Variants in PDZRN3 observed in about 807,000 individuals in gnomAD.
PDZRN3 encodes the protein E3 ubiquitin-protein ligase PDZRN3.
In PDZRN3, 38 loss-of-function variants were observed where a neutral mutation model predicts 85.7. The ratio of observed to expected loss-of-function variants is 0.44; its 90% confidence interval spans 0.34 to 0.58. The LOEUF (loss-of-function observed/expected upper bound fraction) is 0.58. Ranked by LOEUF, PDZRN3 falls within the 20% of genes least tolerant of loss-of-function variation. PDZRN3 has a pLI of 0.01. For synonymous variants in PDZRN3, 759 were observed against 638.0 expected, an observed-to-expected ratio of 1.19 and a Z score of -2.86; for missense variants, 1,629 against 1,506.4, an observed-to-expected ratio of 1.08 and a Z score of -1.35.
At chr3:73,580,575 A>G (rs1237458444) in intron 3 of PDZRN3, among the ~76,000 whole-genome samples, 1 of 152,198 alleles carries the variant, frequency 6.6e-6, no homozygotes, top group Admixed American at 6.5e-5. Flanking sequence ...CACTATAGGC[A>G]CTATTTCCTA....
intron 3 of PDZRN3, among the ~76,000 whole-genome samples, chr3:73,411,164 C>T (rs1701959206): frequency 6.6e-6 from 1 of 152,164 alleles, no homozygotes; most frequent in African/African-American, 2.4e-5. Context: ...GTATCCTCTG[C>T]TTTGTCGAGA....
At chr3:73,422,932 A>C (rs1261288335) in intron 3 of PDZRN3, among the ~76,000 whole-genome samples, 1 of 152,222 alleles carries the variant, frequency 6.6e-6, no homozygotes, top group Admixed American at 6.5e-5. Context: ...ATACCAAGCA[A>C]AGGAAACAGA....
At chr3:73,540,482 C>T (rs1475558663) in intron 3 of PDZRN3, among the ~76,000 whole-genome samples, 9 of 152,128 alleles carry the variant, frequency 5.9e-5, no homozygotes, top group Admixed American at 5.9e-4. Flanking sequence ...TTATGGTTCC[C>T]ATCATCCCCA....
chr3:73,552,104 G>T (rs1324147818), intron 3 of PDZRN3, among the ~76,000 whole-genome samples: 2 of 152,070 alleles, frequency 1.3e-5, no homozygotes, highest in East Asian at 3.9e-4. Context: ...AATCACCTGG[G>T]GCACATTCCT....
chr3:73,423,152 C>T (rs932388026), intron 3 of PDZRN3, among the ~76,000 whole-genome samples: 4 of 152,074 alleles, frequency 2.6e-5, no homozygotes, highest in African/African-American at 4.8e-5. Flanking sequence ...TTTCATCTCC[C>T]GCTGCTAACT....
At chr3:73,565,666 G>A (rs920690365) in intron 3 of PDZRN3, among the ~76,000 whole-genome samples, 9 of 151,956 alleles carry the variant, frequency 5.9e-5, no homozygotes, top group Non-Finnish European at 1.0e-4. Flanking sequence ...GGCCGGGCGC[G>A]GTGACTCACG....
At position 73,384,542 on chromosome 3, in the gene PDZRN3, T is replaced by C. The variant is rs1438161846; in HGVS notation, c.2024A>G (p.Lys675Arg). 6.2e-7 allele frequency: 1 copy of C among 1,613,600 alleles called. No individual in the cohort carries two copies. Among genetic ancestry groups the C allele is most frequent in the Non-Finnish European group, 8.5e-7 (1 of 1,180,030 alleles). Reference protein sequence around the residue: ...YYPSGPLDAGKSDPESVDKEL... With the variant: ...YYPSGPLDAGRSDPESVDKEL... ...CTTGTCCACGCTCTCAGGGTCACTCTTGCCGGCGTCCAGGGGGCCGCTAGG... is the reference window on the plus strand; with the variant it reads ...CTTGTCCACGCTCTCAGGGTCACTCCTGCCGGCGTCCAGGGGGCCGCTAGG... Residue 675 changes from lysine (K) to arginine (R), a missense_variant, in exon 10 of 10, where the codon AAG becomes AGG. Lys to Arg is a conservative substitution (Grantham distance 26). Coordinates refer to ENST00000263666, the MANE Select transcript of PDZRN3 (RefSeq NM_015009.3).
chr3:73,588,180 A>G (rs1702304889), intron 3 of PDZRN3, among the ~76,000 whole-genome samples: 1 of 152,056 alleles, frequency 6.6e-6, no homozygotes. Flanking sequence ...GAGAACGTGC[A>G]GTATTTGGTT....
chr3:73,587,868 T>C (rs973026993), intron 3 of PDZRN3, among the ~76,000 whole-genome samples: 3 of 152,196 alleles, frequency 2.0e-5, no homozygotes, highest in Admixed American at 6.5e-5. Flanking sequence ...AGTCACTCCA[T>C]TGTCAATCTC....
intron 3 of PDZRN3, among the ~76,000 whole-genome samples, chr3:73,455,449 G>C (rs1480937794): frequency 6.6e-6 from 1 of 152,120 alleles, no homozygotes; most frequent in African/African-American, 2.4e-5. Flanking sequence ...GCTATGTCCC[G>C]ACTCCACACT....
At chr3:73,548,352 A>G (rs1285483899) in intron 3 of PDZRN3, among the ~76,000 whole-genome samples, 1 of 152,220 alleles carries the variant, frequency 6.6e-6, no homozygotes, top group Non-Finnish European at 1.5e-5. Flanking sequence ...AGCAGAAGAT[A>G]CAGACGTTTT....
intron 3 of PDZRN3, among the ~76,000 whole-genome samples, chr3:73,577,355 C>T (rs956451341): frequency 2.0e-5 from 3 of 152,174 alleles, no homozygotes; most frequent in African/African-American, 4.8e-5. Context: ...TAATCAGAGA[C>T]GCAGATGTTT....
At chr3:73,389,390 G>A (rs967580799) in intron 7 of PDZRN3, among the ~76,000 whole-genome samples, 1 of 152,162 alleles carries the variant, frequency 6.6e-6, no homozygotes, top group Non-Finnish European at 1.5e-5. Flanking sequence ...TGCCAAAAAT[G>A]TTCCCCTTTT....
chr3:73,406,542 G>A (rs1476797987), intron 3 of PDZRN3, among the ~76,000 whole-genome samples: 1 of 152,164 alleles, frequency 6.6e-6, no homozygotes, highest in African/African-American at 2.4e-5. Context: ...TAGGAGGTGT[G>A]GCTGTGGTCA....
Position 73,390,595 on chromosome 3 carries a change from T to C in PDZRN3, c.1353+423A>G, listed in dbSNP as rs570727687. 6.6e-5 allele frequency among the ~76,000 whole-genome samples: 10 copies of C among 151,736 alleles called. No homozygotes were observed. The South Asian group carries it at 1.0e-3, about 16-fold the overall frequency. On this transcript the variant is annotated intron_variant, in intron 6 of 9. Transcript: ENST00000263666. ...GTACATACAAGTCACATTTAACTTA[T>C]ATGAAGTCAACTATATATACTCCAC...
intron 3 of PDZRN3, among the ~76,000 whole-genome samples, chr3:73,601,374 T>C (rs929817399): frequency 1.3e-5 from 2 of 152,198 alleles, no homozygotes; most frequent in East Asian, 1.9e-4. Flanking sequence ...TAAAAATGCA[T>C]GTGGAAAACA....
At chr3:73,417,466 A>G (rs1294727689) in intron 3 of PDZRN3, among the ~76,000 whole-genome samples, 7 of 152,210 alleles carry the variant, frequency 4.6e-5, no homozygotes, top group Non-Finnish European at 1.0e-4. Flanking sequence ...ATACCATTTC[A>G]TTGCTTATCT....
intron 3 of PDZRN3, among the ~76,000 whole-genome samples, chr3:73,562,781 T>C (rs1701848205): frequency 6.6e-6 from 1 of 151,574 alleles, no homozygotes. Flanking sequence ...TCTTTTTAAT[T>C]TGGGGAAAGG....
At chr3:73,591,007 G>A (rs1702349879) in intron 3 of PDZRN3, among the ~76,000 whole-genome samples, 1 of 152,134 alleles carries the variant, frequency 6.6e-6, no homozygotes, top group Non-Finnish European at 1.5e-5. Context: ...ATTCCTGAAT[G>A]ATCAAACTGA....
Sources: gnomAD v4.1 joint callset for allele counts (sites outside exome capture counted in the v4.1 genomes callset) on GRCh38, gnomAD v4.1.1 for gene constraint, MANE v1.5 for transcripts, NCBI Gene and HGNC (gene_info 2026-07-23, HGNC 2026-07-21) for gene names.